Variants in GRIK4 observed in about 807,000 individuals in gnomAD.
The protein encoded by GRIK4 is glutamate receptor ionotropic, kainate 4.
A neutral mutation model predicts 104.9 loss-of-function variants in GRIK4; 40 were observed. The ratio of observed to expected loss-of-function variants is 0.38; its 90% CI spans 0.30 to 0.50. The LOEUF is 0.50. GRIK4 is among the 20% of genes least tolerant of loss of function. The pLI is 0.93. For synonymous variants in GRIK4, 485 were observed against 524.9 expected (o/e 0.92, Z 1.04); for missense variants, 1,047 against 1,308.1 (o/e 0.80, Z 3.08).
At chr11:120,517,469 C>T (rs4084121) in intron 1 of GRIK4, among the ~76,000 whole-genome samples, 4,906 of 148,468 alleles carry the variant, frequency 0.033, 425 homozygotes, top group East Asian at 0.15. Flanking sequence ...ATGGGCAGGC[C>T]CCCTGAGGCA....
At chr11:120,605,565 G>A (rs576813693) in intron 1 of GRIK4, among the ~76,000 whole-genome samples, 207 of 152,358 alleles carry the variant, frequency 1.4e-3, no homozygotes, top group African/African-American at 4.9e-3. Flanking sequence ...GGCTTTTGCT[G>A]CAAGAGCTTC....
chr11:120,870,967 G>C (rs780854826), intron 9 of GRIK4: 1 of 152,480 alleles, frequency 6.6e-6, no homozygotes, highest in Non-Finnish European at 1.5e-5. Flanking sequence ...GGGTGGTCTC[G>C]AACCTCTGAC....
chr11:120,806,780 T>C (rs1952720592), intron 4 of GRIK4, among the ~76,000 whole-genome samples: 1 of 152,106 alleles, frequency 6.6e-6, no homozygotes, highest in South Asian at 2.1e-4. Context: ...TTATGAAGTG[T>C]AAAGAAGCTA....
chr11:120,568,356 A>G (rs1236481914), intron 1 of GRIK4, among the ~76,000 whole-genome samples: 1 of 151,628 alleles, frequency 6.6e-6, no homozygotes, highest in Non-Finnish European at 1.5e-5. Flanking sequence ...ATGGAGATGT[A>G]CACCACCTTC....
intron 18 of GRIK4, among the ~76,000 whole-genome samples, chr11:120,964,768 C>T (rs1170365864): frequency 6.6e-6 from 1 of 151,400 alleles, no homozygotes; most frequent in African/African-American, 2.4e-5. Context: ...CTTAATAGTC[C>T]CCCCTGCAAG....
At chr11:120,580,144 T>C (rs1245917367) in intron 1 of GRIK4, among the ~76,000 whole-genome samples, 5 of 152,222 alleles carry the variant, frequency 3.3e-5, no homozygotes, top group Non-Finnish European at 5.9e-5. Flanking sequence ...TTGGATTGTT[T>C]TCAGTTTTTG....
intron 3 of GRIK4, among the ~76,000 whole-genome samples, chr11:120,697,157 A>G (rs1950462715): frequency 1.3e-5 from 2 of 152,170 alleles, no homozygotes; most frequent in Non-Finnish European, 2.9e-5. Context: ...GTGGTTCAAC[A>G]TGAGTTACGC....
rs139016458 is a variant in GRIK4, at chr11:120,655,476, C to G, written c.-51+1684C>G. Among the ~76,000 whole-genome samples the G allele has an allele frequency of 9.7e-3, 1,480 of 152,236 alleles. 28 individuals carry two copies. The highest frequency in any genetic ancestry group is 0.031 in the African/African-American group (1,304 of 41,522). On this transcript the variant is annotated intron_variant, in intron 2 of 20. Transcript: ENST00000527524. ...AGATTGAGGGGATTGCCCTGATCTCCTGTGCAATGGAGAGCTCCCTAAGAC... is the reference window on the plus strand; with the variant it reads ...AGATTGAGGGGATTGCCCTGATCTCGTGTGCAATGGAGAGCTCCCTAAGAC...
chr11:120,632,730 G>A (rs1361333115), intron 1 of GRIK4, among the ~76,000 whole-genome samples: 1 of 152,046 alleles, frequency 6.6e-6, no homozygotes, highest in Non-Finnish European at 1.5e-5. Flanking sequence ...TCCTGATTCT[G>A]AGGATCTCCT....
chr11:120,887,767 C>A (rs948012828), intron 11 of GRIK4, among the ~76,000 whole-genome samples: 2 of 152,148 alleles, frequency 1.3e-5, no homozygotes, highest in African/African-American at 4.8e-5. Context: ...AAATAATTAC[C>A]TAAATAACTA....
At chr11:120,603,967 G>C (rs1380728649) in intron 1 of GRIK4, among the ~76,000 whole-genome samples, 1 of 151,724 alleles carries the variant, frequency 6.6e-6, no homozygotes, top group Non-Finnish European at 1.5e-5. Context: ...TCAGGAGATC[G>C]AGACCATCCT....
Position 120,988,019 on chromosome 11 carries a change from T to C in GRIK4, c.*1759T>C, listed in dbSNP as rs1384199783. ...CTAAAATAAAGACATCTTTGGAAGA[T>C]GACGAGCTTAATTCATGTTTTTGCC... On this transcript the variant is annotated 3_prime_UTR_variant, in exon 21 of 21. Coordinates refer to ENST00000527524, the MANE Select transcript of GRIK4 (RefSeq NM_014619.5). 6.6e-6 allele frequency: 1 copy of C among 152,374 alleles called. No homozygotes were observed. Among genetic ancestry groups the C allele is most frequent in the Non-Finnish European group, 1.5e-5 (1 of 68,064 alleles). 9.4% of individuals were successfully genotyped at this position (152,374 alleles called of 1,614,324 possible). A position where few individuals can be genotyped will look rare whatever the true frequency, so the allele number is the denominator to read the frequency against.
At chr11:120,538,924 C>A (rs1209062096) in intron 1 of GRIK4, among the ~76,000 whole-genome samples, 1 of 152,184 alleles carries the variant, frequency 6.6e-6, no homozygotes, top group East Asian at 1.9e-4. Flanking sequence ...AGCCAGGGAC[C>A]AGATTAGACA....
intron 12 of GRIK4, among the ~76,000 whole-genome samples, chr11:120,900,066 T>C (rs138154778): frequency 0.012 from 1,885 of 152,142 alleles, 39 homozygotes; most frequent in African/African-American, 0.042. Flanking sequence ...GACACACACC[T>C]AGGACTGTGG....
At chr11:120,947,959 A>G (rs531301328) in intron 14 of GRIK4, among the ~76,000 whole-genome samples, 2 of 152,358 alleles carry the variant, frequency 1.3e-5, no homozygotes, top group Admixed American at 6.5e-5. Flanking sequence ...TCTATGGGCA[A>G]CAGACCCATC....
At chr11:120,616,368 G>A (rs138242714) in intron 1 of GRIK4, among the ~76,000 whole-genome samples, 9 of 152,314 alleles carry the variant, frequency 5.9e-5, no homozygotes, top group African/African-American at 1.9e-4. Context: ...AGTCATAAAG[G>A]CAGCAGTGGA....
intron 11 of GRIK4, among the ~76,000 whole-genome samples, chr11:120,895,560 C>T (rs979098168): frequency 4.6e-5 from 7 of 152,154 alleles, no homozygotes; most frequent in Non-Finnish European, 8.8e-5. Flanking sequence ...AGCCATTCCC[C>T]GGTTAGCCTG....
At chr11:120,715,576 CTCCATGTT>C (rs1055809649) in intron 3 of GRIK4, among the ~76,000 whole-genome samples, 8 of 152,154 alleles carry the variant, frequency 5.3e-5, no homozygotes, top group Non-Finnish European at 1.2e-4. Context: ...CCTCTTTCCC[CTCCATGTT>C]TCCTTTTCTA....
chr11:120,676,346 T>C (rs1175538150), intron 3 of GRIK4, among the ~76,000 whole-genome samples: 1 of 152,234 alleles, frequency 6.6e-6, no homozygotes, highest in Non-Finnish European at 1.5e-5. Context: ...GCAAAGCTCC[T>C]TTTGCCACGT....
Sources: allele counts gnomAD v4.1 joint callset (sites outside exome capture counted in the v4.1 genomes callset), GRCh38; gene constraint gnomAD v4.1.1; transcripts MANE v1.5; gene names NCBI Gene and HGNC (gene_info 2026-07-23, HGNC 2026-07-21).